TAC1: variants seen among roughly 807,000 people sequenced by gnomAD.
The protein encoded by TAC1 is tachykinin precursor 1.
A neutral mutation model predicts 21.7 loss-of-function variants in TAC1; 12 were observed. The ratio of observed to expected loss-of-function variants is 0.55; its 90% CI spans 0.35 to 0.89. The LOEUF is 0.89. Among genes scored for constraint, TAC1 ranks in the 40% least tolerant of loss-of-function variants. The pLI is 0.01. For synonymous variants in TAC1, 52 were observed against 52.0 expected, an observed-to-expected ratio of 1.00 and a Z score of 0.00; for missense variants, 128 against 151.4, an observed-to-expected ratio of 0.85 and a Z score of 0.81.
Position 97,740,029 on chromosome 7 carries a change from G to A in TAC1, c.*109G>A, listed in dbSNP as rs62499562. 0.25 allele frequency: 200,350 copies of A among 808,116 alleles called. 26,413 individuals carry two copies. Among genetic ancestry groups the A allele is most frequent in the Non-Finnish European group, 0.27 (149,261 of 547,312 alleles). 50.1% of individuals were successfully genotyped at this position (808,116 alleles called of 1,614,324 possible). A position where few individuals can be genotyped will look rare whatever the true frequency, so the allele number is the denominator to read the frequency against. ...ATTATTTATTTAATAACAATTGTTT[G>A]GGGTTGAAAATTCAAAAAGTGTTTA... On this transcript the variant is annotated 3_prime_UTR_variant, in exon 7 of 7. Transcript: ENST00000319273.
rs529351073 is a variant in TAC1 at position 97,736,245 on chromosome 7, G to A, written c.290-54G>A. 23 of 1,458,190 alleles carry A rather than the reference G, an allele frequency of 1.6e-5. No individual in the cohort carries two copies. In the East Asian group the frequency reaches 3.9e-4, roughly 25 times the overall value. The allele number at this position is 1,458,190 out of a possible 1,614,324, so 90.3% of individuals were successfully genotyped here. On this transcript the variant is annotated intron_variant, in intron 5 of 6. Coordinates refer to ENST00000319273, the MANE Select transcript of TAC1 (RefSeq NM_003182.3). ...AGCTTGCTTTGTTCTGGTTATAATAGTTTGTTTCCTCAAAGATATACATAT... is the reference window on the plus strand; with the variant it reads ...AGCTTGCTTTGTTCTGGTTATAATAATTTGTTTCCTCAAAGATATACATAT...
chr7:97,732,977 A>C lies in TAC1; in HGVS notation c.123+242A>C. ...GGCCCAGGAACTCCCTGCAGTAGGG[A>C]TGCCCTCCCGGATGAGCCCGAGATC... On this transcript the variant is annotated intron_variant, in intron 2 of 6. Coordinates refer to ENST00000319273, the MANE Select transcript of TAC1 (RefSeq NM_003182.3). The surrounding 1 kb of genome is among the most constrained non-coding windows in gnomAD (Gnocchi z 6.2). 1 of 423,684 alleles carries C rather than the reference A, an allele frequency of 2.4e-6. No individual in the cohort carries two copies. Among genetic ancestry groups the C allele is most frequent in the Non-Finnish European group, 4.2e-6 (1 of 237,782 alleles). 26.2% of individuals were successfully genotyped at this position (423,684 alleles called of 1,614,324 possible). A position where few individuals can be genotyped will look rare whatever the true frequency, so the allele number is the denominator to read the frequency against.
chr7:97,734,476 A>ACT (rs949237792), intron 4 of TAC1, among the ~76,000 whole-genome samples, 184 bp downstream of exon 4: 1 of 137,478 alleles, frequency 7.3e-6, no homozygotes, highest in Non-Finnish European at 1.6e-5. Context: ...TCTCTCTGTC[A>ACT]CTCTCTCTCA....
rs2115852629 is a variant in TAC1, at chr7:97,739,955, G to T, written c.*35G>T. The T allele has an allele frequency of 6.8e-7, 1 of 1,475,040 alleles. No individual in the cohort carries two copies. The highest frequency in any genetic ancestry group is 9.4e-7 in the Non-Finnish European group (1 of 1,069,122). The allele number at this position is 1,475,040 out of a possible 1,614,324, so 91.4% of individuals were successfully genotyped here. ...TAACATTATTTATTCAGCTTCATTTGTGTCAATGGGCAATGACAGGTAAAT... is the reference window on the plus strand; with the variant it reads ...TAACATTATTTATTCAGCTTCATTTTTGTCAATGGGCAATGACAGGTAAAT... On this transcript the variant is annotated 3_prime_UTR_variant, in exon 7 of 7. Coordinates refer to ENST00000319273, the MANE Select transcript of TAC1 (RefSeq NM_003182.3).
rs547394229 is a variant in TAC1 at position 97,740,363 on chromosome 7, G to A, written c.*443G>A. 1 of 153,106 alleles carries A rather than the reference G, an allele frequency of 6.5e-6. No individual in the cohort carries two copies. The highest frequency in any genetic ancestry group is 1.9e-4 in the East Asian group (1 of 5,198). 9.5% of individuals were successfully genotyped at this position (153,106 alleles called of 1,614,324 possible). On this transcript the variant is annotated 3_prime_UTR_variant, in exon 7 of 7. Coordinates refer to ENST00000319273, the MANE Select transcript of TAC1 (RefSeq NM_003182.3). Reference sequence around the variant, plus strand: ...CTCTGAAGCATGTTTCATGTTTTGTGACTATATAGAGATGTTTTTAAAAGT... The same window carrying A: ...CTCTGAAGCATGTTTCATGTTTTGTAACTATATAGAGATGTTTTTAAAAGT...
chr7:97,734,418 G>C (rs990018402), intron 4 of TAC1, 126 bp downstream of exon 4: 3 of 779,156 alleles, frequency 3.9e-6, no homozygotes, highest in Admixed American at 4.9e-5. Flanking sequence ...ATGGATTTGC[G>C]CACTCTCTCT....
chr7:97,732,971 G>GTTTTGT lies in TAC1; in HGVS notation c.123+237_123+238insTTTGTT. On this transcript the variant is annotated intron_variant, in intron 2 of 6. Transcript: ENST00000319273. The surrounding 1 kb of genome is among the most constrained non-coding windows in gnomAD (Gnocchi z 6.2). ...CCGTCCGGCCCAGGAACTCCCTGCA[G>GTTTTGT]TAGGGATGCCCTCCCGGATGAGCCC... The GTTTTGT allele has an allele frequency of 4.1e-6, 2 of 489,016 alleles. No homozygotes were observed. Among genetic ancestry groups the GTTTTGT allele is most frequent in the South Asian group, 3.1e-5 (1 of 31,932 alleles). The allele number at this position is 489,016 out of a possible 1,614,324, so 30.3% of individuals were successfully genotyped here.
chr7:97,739,762 G>T, intron 6 of TAC1, 112 bp from the exon 7 acceptor site: 1 of 640,996 alleles, frequency 1.6e-6, no homozygotes, highest in East Asian at 3.0e-5. Flanking sequence ...CTTCTGTAGA[G>T]GGAAAATGTC....
chr7:97,737,499 G>GA (rs1017539863), intron 6 of TAC1, among the ~76,000 whole-genome samples: 1 of 150,050 alleles, frequency 6.7e-6, no homozygotes, highest in African/African-American at 2.4e-5. Flanking sequence ...ACGCGCAATA[G>GA]AAAAAAAAAG....
chr7:97,736,266 C>T, intron 5 of TAC1, 33 bp from the exon 6 acceptor site: 1 of 1,570,786 alleles, frequency 6.4e-7, no homozygotes, highest in Non-Finnish European at 8.7e-7. Context: ...CAAAGATATA[C>T]ATATTAAAAT....
In TAC1 at chr7:97,732,782, G is replaced by A; in HGVS notation, c.123+47G>A. 1 of 1,590,618 alleles carries A rather than the reference G, an allele frequency of 6.3e-7. No individual in the cohort carries two copies. The highest frequency in any genetic ancestry group is 8.6e-7 in the Non-Finnish European group (1 of 1,168,608). The stretch of plus-strand genomic sequence containing the variant: ...GCCCGCACCCTTCTTCCTGGGCTCG[G>A]GAGCTGTCACCTTCCCACGCAACAG... On this transcript the variant is annotated intron_variant, in intron 2 of 6. Coordinates refer to ENST00000319273, the MANE Select transcript of TAC1 (RefSeq NM_003182.3). The surrounding 1 kb of genome is among the most constrained non-coding windows in gnomAD (Gnocchi z 6.2).
At position 97,733,705 on chromosome 7, in the gene TAC1, C is replaced by T. The variant is rs752015298; in HGVS notation, c.124-18C>T. The stretch of plus-strand genomic sequence containing the variant: ...CTGGTTGCCTTACACGCCCTTTGTC[C>T]GTGCTTTTGTCTCCCAGGAGGAACT... On this transcript the variant is annotated intron_variant, in intron 2 of 6. Coordinates refer to ENST00000319273, the MANE Select transcript of TAC1 (RefSeq NM_003182.3). The T allele has an allele frequency of 1.2e-6, 2 of 1,613,282 alleles. No individual in the cohort carries two copies. Among genetic ancestry groups the T allele is most frequent in the South Asian group, 1.1e-5 (1 of 91,050 alleles).
chr7:97,733,883 G>T, intron 3 of TAC1, 64 bp downstream of exon 3: 1 of 1,480,746 alleles, frequency 6.8e-7, no homozygotes, highest in Non-Finnish European at 9.4e-7. Flanking sequence ...CTCCTTCCTG[G>T]AGTACCCCAG....
At chr7:97,738,647 C>T (rs4598190) in intron 6 of TAC1, among the ~76,000 whole-genome samples, 28,334 of 151,800 alleles carry the variant, frequency 0.19, 2,745 homozygotes, top group East Asian at 0.27. Context: ...TATTGTTAAC[C>T]GCACTTAAAG....
At chr7:97,733,946 G>T in intron 3 of TAC1, 127 bp downstream of exon 3, 1 of 994,582 alleles carries the variant, frequency 1.0e-6, no homozygotes, top group East Asian at 2.6e-5. Context: ...TAATTCCCCA[G>T]GCGCGACATT....
intron 6 of TAC1, among the ~76,000 whole-genome samples, chr7:97,737,632 G>T (rs1375411459): frequency 1.3e-5 from 2 of 151,886 alleles, no homozygotes; most frequent in Non-Finnish European, 2.9e-5. Flanking sequence ...TGAAGTTCTT[G>T]GTGAAGTCCA....
chr7:97,732,892 GGGT>G lies in TAC1; in HGVS notation c.123+158_123+160del, dbSNP rs1789468272. 1 of 1,023,530 alleles carries G rather than the reference GGGT, an allele frequency of 9.8e-7. No individual in the cohort carries two copies. The highest frequency in any genetic ancestry group is 2.6e-5 in the East Asian group (1 of 38,396). The allele number at this position is 1,023,530 out of a possible 1,614,324, so 63.4% of individuals were successfully genotyped here. A position where few individuals can be genotyped will look rare whatever the true frequency, so the allele number is the denominator to read the frequency against. ...AGGATGGAAAGGGGCACTATTTCCC[GGGT>G]TCCCCACGGGATTTTGTGCCCACGA... On this transcript the variant is annotated intron_variant, in intron 2 of 6. Coordinates refer to ENST00000319273, the MANE Select transcript of TAC1 (RefSeq NM_003182.3). The surrounding 1 kb of genome is among the most constrained non-coding windows in gnomAD (Gnocchi z 6.2).
At chr7:97,735,040 G>A (rs542255941) in intron 5 of TAC1, among the ~76,000 whole-genome samples, 191 bp downstream of exon 5, 2 of 152,150 alleles carry the variant, frequency 1.3e-5, no homozygotes, top group Admixed American at 1.3e-4. Flanking sequence ...ACTTAGCAAA[G>A]AGATGCATTA....
chr7:97,732,900 C>G lies in TAC1; in HGVS notation c.123+165C>G, dbSNP rs1019327028. The stretch of plus-strand genomic sequence containing the variant: ...AAGGGGCACTATTTCCCGGGTTCCC[C>G]ACGGGATTTTGTGCCCACGATTCAA... On this transcript the variant is annotated intron_variant, in intron 2 of 6. Coordinates refer to ENST00000319273, the MANE Select transcript of TAC1 (RefSeq NM_003182.3). The surrounding 1 kb of genome is among the most constrained non-coding windows in gnomAD (Gnocchi z 6.2). The G allele has an allele frequency of 3.2e-6, 3 of 943,372 alleles. No homozygotes were observed. The highest frequency in any genetic ancestry group is 4.6e-6 in the Non-Finnish European group (3 of 653,294). 58.4% of individuals were successfully genotyped at this position (943,372 alleles called of 1,614,324 possible). A position where few individuals can be genotyped will look rare whatever the true frequency, so the allele number is the denominator to read the frequency against.
Sources: allele counts gnomAD v4.1 joint callset (sites outside exome capture counted in the v4.1 genomes callset), GRCh38; gene constraint gnomAD v4.1.1; non-coding constraint Gnocchi (gnomAD v3.1); transcripts MANE v1.5; gene names NCBI Gene and HGNC (gene_info 2026-07-23, HGNC 2026-07-21).